UBR4: variants seen among roughly 807,000 people sequenced by gnomAD.
UBR4 encodes ubiquitin protein ligase E3 component n-recognin 4.
UBR4 carries 124 observed loss-of-function variants against 575.6 expected under a neutral mutation model. That is an observed-to-expected ratio of 0.22 (90% CI 0.19 to 0.25). UBR4 has a LOEUF of 0.25. UBR4 is among the 10% of genes least tolerant of loss of function. The pLI is 1.00. For synonymous variants in UBR4, 2,455 were observed against 2,473.7 expected (o/e 0.99, Z 0.22); for missense variants, 4,818 against 6,478.8 (o/e 0.74, Z 8.80).
At chr1:19,182,942 G>A (rs1424491097) in intron 17 of UBR4, among the ~76,000 whole-genome samples, 3 of 152,104 alleles carry the variant, frequency 2.0e-5, no homozygotes. Context: ...ATATGACTAA[G>A]GACATGAGGA....
intron 51 of UBR4, among the ~76,000 whole-genome samples, 200 bp downstream of exon 51, chr1:19,147,793 C>T (rs1480717421): frequency 6.6e-6 from 1 of 152,116 alleles, no homozygotes; most frequent in Admixed American, 6.5e-5. Context: ...AAGTACAAAC[C>T]AGGGGCCCAG....
At position 19,147,984 on chromosome 1, in the gene UBR4, AAC is replaced by A; in HGVS notation, c.7629+7_7629+8del. On this transcript the variant is annotated splice_region_variant and intron_variant, in intron 51 of 105. Transcript: ENST00000375254. ...CACTGCAATTTCCTTTCCCTGAGAG[AAC>A]AGTTACCTTGTGGCTGTGGTAGGCC... 3 of 1,610,222 alleles carry A rather than the reference AAC, an allele frequency of 1.9e-6. No homozygotes were observed. Among genetic ancestry groups the A allele is most frequent in the South Asian group, 2.2e-5 (2 of 90,796 alleles).
At chr1:19,177,363 A>C (rs1279342042) in intron 19 of UBR4, 98 bp downstream of exon 19, 13 of 1,485,638 alleles carry the variant, frequency 8.8e-6, no homozygotes, top group Non-Finnish European at 1.2e-5. Context: ...CCTAAAACCT[A>C]AAGTGGGTAG....
In UBR4 at chr1:19,152,832, T is replaced by C. The variant is rs1459422246; in HGVS notation, c.6833-356A>G. Among the ~76,000 whole-genome samples, 2 of 152,186 alleles carry C rather than the reference T, an allele frequency of 1.3e-5. No individual in the cohort carries two copies. Among genetic ancestry groups the C allele is most frequent in the African/African-American group, 2.4e-5 (1 of 41,450 alleles). ...AATAGACTGTAGAGCAAATTTAAGG[T>C]AATGTGATGATCCCTGTAATGGTCT... is the stretch of plus-strand genomic sequence containing the variant. On this transcript the variant is annotated intron_variant, in intron 46 of 105. Coordinates refer to ENST00000375254, the MANE Select transcript of UBR4 (RefSeq NM_020765.3). The surrounding 1 kb of genome is among the most constrained non-coding windows in gnomAD (Gnocchi z 4.4).
At chr1:19,109,158 A>C (rs2079557916) in intron 81 of UBR4, among the ~76,000 whole-genome samples, 1 of 152,214 alleles carries the variant, frequency 6.6e-6, no homozygotes, top group Non-Finnish European at 1.5e-5. Flanking sequence ...GTTGCCCAAA[A>C]GGGATGGCCC....
At chr1:19,114,422 A>G (rs746151017) in intron 75 of UBR4, among the ~76,000 whole-genome samples, 2 of 152,088 alleles carry the variant, frequency 1.3e-5, no homozygotes, top group Non-Finnish European at 2.9e-5. Flanking sequence ...GTTCTTTAAT[A>G]TCTAGAACCT....
At chr1:19,161,178 T>C in intron 37 of UBR4, 31 bp from the exon 38 acceptor site, 1 of 1,601,562 alleles carries the variant, frequency 6.2e-7, no homozygotes. Flanking sequence ...AGTCCCTAAG[T>C]TCTTGCCTCA....
intron 50 of UBR4, 100 bp from the exon 51 acceptor site, chr1:19,148,227 G>A (rs2085139582): frequency 6.9e-7 from 1 of 1,440,664 alleles, no homozygotes; most frequent in South Asian, 1.4e-5. Context: ...AGGCCACCAG[G>A]GCTAGGTTAT....
chr1:19,076,728 C>A lies in UBR4; in HGVS notation c.15487+12G>T, dbSNP rs774230764. ...GCGGAGGATCTTTAAAAGAGAAAACCTTGACACTAACCGGCCACATCGAGG... is the reference window on the plus strand; with the variant it reads ...GCGGAGGATCTTTAAAAGAGAAAACATTGACACTAACCGGCCACATCGAGG... On this transcript the variant is annotated intron_variant, in intron 105 of 105. Transcript: ENST00000375254. 6.2e-7 allele frequency: 1 copy of A among 1,614,108 alleles called. No homozygotes were observed. Among genetic ancestry groups the A allele is most frequent in the South Asian group, 1.1e-5 (1 of 91,076 alleles).
chr1:19,201,965 G>C (rs992704662), intron 1 of UBR4, 150 bp from the exon 2 acceptor site: 3 of 675,994 alleles, frequency 4.4e-6, no homozygotes, highest in Non-Finnish European at 7.2e-6. Flanking sequence ...AGATGAGACA[G>C]GTGGATCACC....
In UBR4 at chr1:19,187,482, T is replaced by G. The variant is rs2091659056; in HGVS notation, c.1453A>C (p.Thr485Pro). ...ILANHAIKLL[T>P]SLFQDLQVEA... ...ACTTGTAGGTCTTGAAAGAGAGACG[T>G]TAGCAGTTTGATGGCATGGTTTGCC... Residue 485 changes from threonine to proline, a missense_variant, in exon 12 of 106, where the codon ACG becomes CCG. Coordinates refer to ENST00000375254, the MANE Select transcript of UBR4 (RefSeq NM_020765.3). 2 of 1,613,862 alleles carry G rather than the reference T, an allele frequency of 1.2e-6. No individual in the cohort carries two copies.
intron 25 of UBR4, 139 bp from the exon 26 acceptor site, chr1:19,171,022 T>A: frequency 8.3e-7 from 1 of 1,203,402 alleles, no homozygotes; most frequent in Non-Finnish European, 1.1e-6. Flanking sequence ...TGCCCCTTCC[T>A]GGTCTCTAAG....
At chr1:19,120,704 TAC>T (rs891003942) in intron 68 of UBR4, among the ~76,000 whole-genome samples, 83 of 152,298 alleles carry the variant, frequency 5.4e-4, no homozygotes, top group African/African-American at 1.8e-3. Context: ...GCAATAGGCC[TAC>T]ACAGAGATGT....
intron 1 of UBR4, among the ~76,000 whole-genome samples, chr1:19,207,390 A>G (rs2093062684): frequency 6.6e-6 from 1 of 152,260 alleles, no homozygotes; most frequent in South Asian, 2.1e-4. Context: ...GCACTTTGGA[A>G]GGCCAAGGCG....
intron 49 of UBR4, chr1:19,149,750 A>T (rs1316207666): frequency 2.3e-6 from 3 of 1,301,914 alleles, no homozygotes; most frequent in Non-Finnish European, 3.0e-6. Flanking sequence ...GAAAAGAAAG[A>T]GGGCATACTA....
At chr1:19,173,760 G>A in intron 22 of UBR4, 139 bp from the exon 23 acceptor site, 1 of 802,062 alleles carries the variant, frequency 1.2e-6, no homozygotes, top group Non-Finnish European at 1.9e-6. Flanking sequence ...TGGCCCCCAA[G>A]TCCATTCTCC....
At position 19,162,588 on chromosome 1, in the gene UBR4, T is replaced by G. The variant is rs149830190; in HGVS notation, c.4788A>C (p.Thr1596=). 1.9e-6 allele frequency: 3 copies of G among 1,613,874 alleles called. No individual in the cohort carries two copies. In the South Asian group the frequency reaches 3.3e-5, roughly 18 times the overall value. Reference sequence around the variant, plus strand: ...CAGCCAAGTAAGACATGATATGGCATGTGCACTCCAAGATCATCACATGCT... The same window carrying G: ...CAGCCAAGTAAGACATGATATGGCAGGTGCACTCCAAGATCATCACATGCT... ...HGKHVMILEC[T]CHIMSYLADV... Residue 1596 remains threonine, a synonymous_variant, in exon 35 of 106, where the codon ACA becomes ACC. Transcript: ENST00000375254.
At chr1:19,159,388 T>C (rs964076505) in intron 39 of UBR4, among the ~76,000 whole-genome samples, 3 of 152,182 alleles carry the variant, frequency 2.0e-5, no homozygotes, top group South Asian at 4.1e-4. Context: ...TAAAGGACTA[T>C]ATGCAAAAGA....
In UBR4 at chr1:19,124,661, A is replaced by G. The variant is rs765580173; in HGVS notation, c.9468T>C (p.Tyr3156=). The part of the protein sequence containing the change: ...KGHAADVFEA[Y]TQLLTEMVLR... ...GTACCATTTCTGTTAGAAGCTGAGT[A>G]TAGGCCTCAAACACATCAGCAGCAT... The change falls in exon 65 of 106, where the codon TAT becomes TAC. Residue 3156 remains tyrosine (Y), a synonymous_variant. Coordinates refer to ENST00000375254, the MANE Select transcript of UBR4 (RefSeq NM_020765.3). 1.5e-5 allele frequency: 24 copies of G among 1,614,098 alleles called. No homozygotes were observed. Among genetic ancestry groups the G allele is most frequent in the Non-Finnish European group, 1.9e-5 (22 of 1,180,020 alleles).
Sources: allele counts gnomAD v4.1 joint callset (sites outside exome capture counted in the v4.1 genomes callset), GRCh38; gene constraint gnomAD v4.1.1; non-coding constraint Gnocchi (gnomAD v3.1); transcripts MANE v1.5; gene names NCBI Gene and HGNC (gene_info 2026-07-23, HGNC 2026-07-21).